The following TENM3 variants were observed in gnomAD, a reference collection of about 807,000 sequenced individuals.
TENM3 encodes the protein teneurin transmembrane protein 3.
Under a neutral mutation model 255.1 loss-of-function variants are expected in TENM3, and 63 were observed. That is an observed-to-expected ratio of 0.25 (90% CI 0.20 to 0.30). The LOEUF is 0.30. TENM3 is among the 10% of genes least tolerant of loss of function. TENM3 has a pLI of 1.00. For missense variants in TENM3, 2,929 were observed against 3,461.1 expected, an observed-to-expected ratio of 0.85 and a Z score of 3.86; for synonymous variants, 1,306 against 1,322.3, an observed-to-expected ratio of 0.99 and a Z score of 0.27.
chr4:182,234,028 A>G (rs960674868), intron 1 of TENM3, among the ~76,000 whole-genome samples: 1 of 152,146 alleles, frequency 6.6e-6, no homozygotes, highest in Non-Finnish European at 1.5e-5. Context: ...TGATTCCTTT[A>G]TCGGCCTTAG....
the TENM3 span, among the ~76,000 whole-genome samples, chr4:182,037,150 A>T: frequency 1.9e-4 from 27 of 144,664 alleles, no homozygotes; most frequent in African/African-American, 6.8e-4. Flanking sequence ...AACTCCTTTT[A>T]TTTTTTTTTT....
chr4:181,485,638 T>C, the TENM3 span, among the ~76,000 whole-genome samples: 17,081 of 152,158 alleles, frequency 0.11, 1,273 homozygotes, highest in East Asian at 0.16. Flanking sequence ...TCTAGGTAGG[T>C]AATACGGATA....
At position 182,343,189 on chromosome 4, in the gene TENM3, C is replaced by T. The variant is rs188416300; in HGVS notation, c.233-3462C>T. Among the ~76,000 whole-genome samples the T allele has an allele frequency of 1.2e-3, 190 of 152,228 alleles. 1 individual carries two copies. The highest frequency in any genetic ancestry group is 8.2e-4 in the African/African-American group (34 of 41,554). ...TAAAACAAAAATGCCTAATATAATC[C>T]GAGCTAACCTTGCCTTTTAATCACA... On this transcript the variant is annotated intron_variant, in intron 2 of 27. Coordinates refer to ENST00000511685, the MANE Select transcript of TENM3 (RefSeq NM_001080477.4).
chr4:181,605,568 A>AAGAAAGAAAGAAAGGGAG, the TENM3 span, among the ~76,000 whole-genome samples: 10 of 42,202 alleles, frequency 2.4e-4, 1 homozygote, highest in African/African-American at 8.6e-4. Flanking sequence ...GAAAGAAAGA[A>AAGAAAGAAAGAAAGGGAG]AGAGAGAGAA....
At chr4:182,109,781 T>C in the TENM3 span, among the ~76,000 whole-genome samples, 1 of 152,190 alleles carries the variant, frequency 6.6e-6, no homozygotes, top group Non-Finnish European at 1.5e-5. Context: ...TGAATTAAAA[T>C]TAATGACCCT....
intron 5 of TENM3, among the ~76,000 whole-genome samples, chr4:182,647,183 G>A (rs894283076): frequency 3.9e-5 from 6 of 152,094 alleles, no homozygotes; most frequent in African/African-American, 7.2e-5. Flanking sequence ...TAACAACAAC[G>A]ATTTTCTGCA....
intron 1 of TENM3, chr4:182,169,462 T>G: frequency 3.0e-6 from 1 of 332,358 alleles, no homozygotes; most frequent in Middle Eastern, 1.1e-3. Context: ...ATATATAATT[T>G]ACTACCACCT....
rs764985733 is a variant in TENM3 at position 182,799,920 on chromosome 4, A to G, written c.7669A>G (p.Ser2557Gly). ...HYFIKTTTPE[S>G]DLGTLRLTSG... is the part of the protein sequence containing the mutation. ...CTTCATCAAGACCACCACGCCCGAG[A>G]GCGACCTGGGCACGCTGCGGTTGAC... The change falls in exon 28 of 28, where the codon AGC becomes GGC. Residue 2557 changes from serine to glycine, a missense_variant. Ser to Gly is a moderately conservative substitution (Grantham distance 56). Coordinates refer to ENST00000511685, the MANE Select transcript of TENM3 (RefSeq NM_001080477.4). This position sits in a 1 kb window ranked among gnomAD's most constrained non-coding sequence, Gnocchi z 4.2. 2 of 1,603,648 alleles carry G rather than the reference A, an allele frequency of 1.2e-6. No individual in the cohort carries two copies. Among genetic ancestry groups the G allele is most frequent in the African/African-American group, 2.7e-5 (2 of 74,714 alleles).
chr4:181,943,576 A>G, the TENM3 span, among the ~76,000 whole-genome samples: 4 of 152,188 alleles, frequency 2.6e-5, 1 homozygote, highest in South Asian at 4.1e-4. Context: ...GCAAGCTGTT[A>G]TTAATTAAAT....
At chr4:181,861,095 G>C in the TENM3 span, among the ~76,000 whole-genome samples, 1 of 152,182 alleles carries the variant, frequency 6.6e-6, no homozygotes, top group Admixed American at 6.5e-5. Flanking sequence ...AGCAGGCCTT[G>C]TGTCCCTTGT....
At chr4:182,272,342 C>T (rs572442118) in intron 1 of TENM3, among the ~76,000 whole-genome samples, 1 of 152,302 alleles carries the variant, frequency 6.6e-6, no homozygotes, top group Admixed American at 6.5e-5. Context: ...ACGCATTGCT[C>T]TTTGGAAAAA....
chr4:182,363,092 T>C (rs1256184524), intron 3 of TENM3, among the ~76,000 whole-genome samples: 1 of 152,166 alleles, frequency 6.6e-6, no homozygotes, highest in East Asian at 1.9e-4. Context: ...AGTACATTCT[T>C]ATCCAAAATT....
the TENM3 span, among the ~76,000 whole-genome samples, chr4:181,703,918 A>G: frequency 6.6e-6 from 1 of 152,128 alleles, no homozygotes; most frequent in Non-Finnish European, 1.5e-5. Context: ...GTCCGCTTGC[A>G]TAAGAAATAT....
chr4:182,693,762 T>G (rs1261324559), intron 12 of TENM3, among the ~76,000 whole-genome samples: 1 of 152,200 alleles, frequency 6.6e-6, no homozygotes, highest in Non-Finnish European at 1.5e-5. Context: ...ATTTAACCTG[T>G]TTTATATGAA....
chr4:181,977,604 C>T, the TENM3 span, among the ~76,000 whole-genome samples: 1 of 152,004 alleles, frequency 6.6e-6, no homozygotes, highest in East Asian at 1.9e-4. Flanking sequence ...AATGTGAAAG[C>T]AATAAAAGAG....
the TENM3 span, among the ~76,000 whole-genome samples, chr4:181,722,437 G>C: frequency 6.6e-6 from 1 of 152,192 alleles, no homozygotes; most frequent in Non-Finnish European, 1.5e-5. Flanking sequence ...CAGTGAGTGG[G>C]AGGGTTGGAA....
the TENM3 span, among the ~76,000 whole-genome samples, chr4:182,054,608 G>T: frequency 2.6e-5 from 4 of 152,128 alleles, no homozygotes; most frequent in East Asian, 7.7e-4. Flanking sequence ...TCATTAGATT[G>T]GTTATAACAT....
the TENM3 span, among the ~76,000 whole-genome samples, chr4:181,753,217 T>C: frequency 6.6e-6 from 1 of 152,204 alleles, no homozygotes; most frequent in Non-Finnish European, 1.5e-5. Context: ...AAACTCTAGG[T>C]CAGGTGTTCT....
At chr4:182,681,712 T>G in intron 10 of TENM3, 102 bp from the exon 11 acceptor site, 2 of 846,750 alleles carry the variant, frequency 2.4e-6, no homozygotes, top group Middle Eastern at 2.6e-4. Context: ...ATATTTGATT[T>G]TCCAAAATGT....
Sources: gnomAD v4.1 joint callset for allele counts (sites outside exome capture counted in the v4.1 genomes callset) on GRCh38, gnomAD v4.1.1 for gene constraint, Gnocchi (gnomAD v3.1) non-coding constraint, MANE v1.5 for transcripts, NCBI Gene and HGNC (gene_info 2026-07-23, HGNC 2026-07-21) for gene names.